The following MYOC variants were observed in gnomAD, a reference collection of about 807,000 sequenced individuals.
The protein encoded by MYOC is myocilin.
In MYOC, 29 loss-of-function variants were observed where a neutral mutation model predicts 28.2. The ratio of observed to expected loss-of-function variants is 1.03; its 90% CI spans 0.77 to 1.40. MYOC has a LOEUF of 1.40. Among genes scored for constraint, MYOC ranks in the 40% most tolerant of loss-of-function variants. The pLI, the probability that MYOC is intolerant of heterozygous loss-of-function variation, is 0.00. For missense variants in MYOC, 569 were observed against 620.6 expected (o/e 0.92, Z 0.88); for synonymous variants, 240 against 245.6 (o/e 0.98, Z 0.21).
Position 171,636,203 on chromosome 1 carries a change from G to C in MYOC, c.1237C>G (p.Leu413Val), listed in dbSNP as rs768574920. 6.2e-7 allele frequency: 1 copy of C among 1,614,184 alleles called. No homozygotes were observed. Among genetic ancestry groups the C allele is most frequent in the East Asian group, 2.2e-5 (1 of 44,884 alleles). Residue 413 changes from leucine (L) to valine (V), a missense_variant, in exon 3 of 3, where the codon CTC (leucine) becomes GTC (valine). Transcript: ENST00000037502. Reference protein sequence around the residue: ...LSKLNPENLELEQTWETNIRK... With the variant: ...LSKLNPENLEVEQTWETNIRK... ...ATGTTTGTCTCCCAGGTTTGTTCGAGTTCCAGATTCTCTGGGTTCAGTTTG... is the reference window on the plus strand; with the variant it reads ...ATGTTTGTCTCCCAGGTTTGTTCGACTTCCAGATTCTCTGGGTTCAGTTTG...
chr1:171,638,597 C>A lies in MYOC; in HGVS notation c.730G>T (p.Gly244Ter). 1 of 1,614,070 alleles carries A rather than the reference C, an allele frequency of 6.2e-7. No homozygotes were observed. Among genetic ancestry groups the A allele is most frequent in the Non-Finnish European group, 8.5e-7 (1 of 1,179,942 alleles). ...GYLRSGEGDT[G>*]CGELVWVGEP... The stretch of plus-strand genomic sequence containing the variant: ...AAAGGGAAGAAACTTAACTTCATAC[C>A]GGTGTCTCCCTCTCCACTCCTGAGA... Residue 244 changes from glycine to a stop codon, truncating the protein, a stop_gained and splice_region_variant, in exon 2 of 3, where the codon GGA (glycine) becomes TGA (stop). Transcript: ENST00000037502. LOFTEE classifies it low-confidence loss of function (END_TRUNC).
Position 171,652,007 on chromosome 1 carries a change from C to T in MYOC, c.604+1G>A, listed in dbSNP as rs751094099. ...AGAGTCCCCCCACTCTGCATTCTTA[C>T]CTTCTCTGGAGCCTGGTGGCACAGC... On this transcript the variant is annotated splice_donor_variant, in intron 1 of 2. Coordinates refer to ENST00000037502, the MANE Select transcript of MYOC (RefSeq NM_000261.2). LOFTEE classifies it high-confidence loss of function. 1.2e-6 allele frequency: 2 copies of T among 1,614,216 alleles called. No individual in the cohort carries two copies. Among genetic ancestry groups the T allele is most frequent in the Admixed American group, 1.7e-5 (1 of 60,028 alleles).
rs555822672 is a variant in MYOC at position 171,648,055 on chromosome 1, A to G, written c.604+3953T>C. On this transcript the variant is annotated intron_variant, in intron 1 of 2. Coordinates refer to ENST00000037502, the MANE Select transcript of MYOC (RefSeq NM_000261.2). ...AATACAAAAGTTAGCTGGGCGTGGT[A>G]GTGTGCACCTGTAATCCCAGCTACT... 2.6e-3 allele frequency among the ~76,000 whole-genome samples: 400 copies of G among 151,302 alleles called. 1 individual carries two copies. The highest frequency in any genetic ancestry group is 0.012 in the South Asian group (58 of 4,784).
At chr1:171,643,797 C>A (rs1385501146) in intron 1 of MYOC, among the ~76,000 whole-genome samples, 1 of 148,218 alleles carries the variant, frequency 6.7e-6, no homozygotes, top group Non-Finnish European at 1.5e-5. Context: ...ATGCTGAAAC[C>A]CTGTCTCTAC....
intron 1 of MYOC, among the ~76,000 whole-genome samples, chr1:171,650,316 A>C (rs111557649): frequency 6.6e-6 from 1 of 152,192 alleles, no homozygotes; most frequent in East Asian, 1.9e-4. Context: ...GGTAATGATG[A>C]TTCTTTCAAT....
intron 1 of MYOC, among the ~76,000 whole-genome samples, chr1:171,651,324 C>T (rs1653344063): frequency 6.7e-6 from 1 of 148,354 alleles, no homozygotes; most frequent in Admixed American, 6.8e-5. Flanking sequence ...GAAGACCTCC[C>T]CCAACACCTC....
intron 2 of MYOC, among the ~76,000 whole-genome samples, chr1:171,638,271 C>T (rs1652974294): frequency 6.6e-6 from 1 of 152,188 alleles, no homozygotes; most frequent in Admixed American, 6.5e-5. Context: ...TGTAACTTCT[C>T]AAGTATATCT....
chr1:171,636,748 C>T (rs367736473), intron 2 of MYOC, 39 bp from the exon 3 acceptor site: 1 of 1,588,820 alleles, frequency 6.3e-7, no homozygotes, highest in African/African-American at 1.3e-5. Context: ...ACCACTTAAT[C>T]CATAATCTTT....
chr1:171,647,928 C>G (rs1437667668), intron 1 of MYOC, among the ~76,000 whole-genome samples: 1 of 152,022 alleles, frequency 6.6e-6, no homozygotes, highest in African/African-American at 2.4e-5. Flanking sequence ...GCCTGTAATC[C>G]CAGCACTTTG....
At chr1:171,641,583 G>C (rs1327161589) in intron 1 of MYOC, among the ~76,000 whole-genome samples, 1 of 152,170 alleles carries the variant, frequency 6.6e-6, no homozygotes, top group African/African-American at 2.4e-5. Flanking sequence ...GTCCTCCCAG[G>C]TGAGTCCTTT....
chr1:171,649,875 T>C (rs971490236), intron 1 of MYOC, among the ~76,000 whole-genome samples: 13 of 152,314 alleles, frequency 8.5e-5, no homozygotes, highest in Non-Finnish European at 1.3e-4. Flanking sequence ...TAGATGGCCA[T>C]GGACAAGCTG....
At chr1:171,638,394 A>T (rs1652977134) in intron 2 of MYOC, among the ~76,000 whole-genome samples, 1 of 152,188 alleles carries the variant, frequency 6.6e-6, no homozygotes, top group Non-Finnish European at 1.5e-5. Context: ...TGTTAGGGAA[A>T]GGCTGACTCC....
chr1:171,645,631 G>A (rs1480451665), intron 1 of MYOC, among the ~76,000 whole-genome samples: 2 of 152,148 alleles, frequency 1.3e-5, no homozygotes, highest in Non-Finnish European at 2.9e-5. Context: ...TCTATCTCCC[G>A]ACTGGACCCA....
intron 1 of MYOC, among the ~76,000 whole-genome samples, chr1:171,647,748 T>C (rs1356779333): frequency 6.6e-6 from 1 of 152,116 alleles, no homozygotes; most frequent in Non-Finnish European, 1.5e-5. Flanking sequence ...ACCTCAGGTT[T>C]CTCCCCTCAC....
rs1178891208 is a variant in MYOC, at chr1:171,635,753, T to C, written c.*172A>G. On this transcript the variant is annotated 3_prime_UTR_variant, in exon 3 of 3. Coordinates refer to ENST00000037502, the MANE Select transcript of MYOC (RefSeq NM_000261.2). ...TATGAAATTGTCTACGCCCTCAGAC[T>C]ACAATTCCTGAATAGTTAGATGGTG... 4 of 669,166 alleles carry C rather than the reference T, an allele frequency of 6.0e-6. No homozygotes were observed. The highest frequency in any genetic ancestry group is 1.0e-5 in the Non-Finnish European group (4 of 383,746). 41.5% of individuals were successfully genotyped at this position (669,166 alleles called of 1,614,324 possible). A position where few individuals can be genotyped will look rare whatever the true frequency, so the allele number is the denominator to read the frequency against.
At chr1:171,642,011 G>T (rs1219713856) in intron 1 of MYOC, among the ~76,000 whole-genome samples, 1 of 152,250 alleles carries the variant, frequency 6.6e-6, no homozygotes, top group African/African-American at 2.4e-5. Flanking sequence ...CCTTGTTTGA[G>T]TTGCTGGGGT....
chr1:171,646,279 G>T (rs171002), intron 1 of MYOC, among the ~76,000 whole-genome samples: 115,607 of 152,144 alleles, frequency 0.76, 44,314 homozygotes, highest in African/African-American at 0.86. Context: ...GCCCCAGTAT[G>T]CTGAGCTGAA....
At chr1:171,651,940 G>A (rs555505287) in intron 1 of MYOC, 68 bp downstream of exon 1, 79 of 1,609,976 alleles carry the variant, frequency 4.9e-5, no homozygotes, top group Middle Eastern at 1.7e-4. Context: ...GGCCTGGAGC[G>A]CCTGTAGCAG....
intron 1 of MYOC, among the ~76,000 whole-genome samples, chr1:171,646,112 G>A (rs748777055): frequency 2.0e-5 from 3 of 152,218 alleles, no homozygotes; most frequent in African/African-American, 4.8e-5. Flanking sequence ...GAGCCATCTG[G>A]CATGCGGGTG....
Sources: gnomAD v4.1 joint callset for allele counts (sites outside exome capture counted in the v4.1 genomes callset) on GRCh38, gnomAD v4.1.1 for gene constraint, MANE v1.5 for transcripts, NCBI Gene and HGNC (gene_info 2026-07-23, HGNC 2026-07-21) for gene names.